Variants in UNC5B observed in about 807,000 individuals in gnomAD.
UNC5B encodes unc-5 netrin receptor B.
UNC5B carries 56 observed loss-of-function variants against 103.7 expected under a neutral mutation model. The observed-to-expected ratio is 0.54, with a 90% confidence interval of 0.44 to 0.67. The LOEUF is 0.67. UNC5B is among the 30% of genes least tolerant of loss of function. The pLI is 0.00. For synonymous variants in UNC5B, 577 were observed against 542.0 expected, an observed-to-expected ratio of 1.06 and a Z score of -0.90; for missense variants, 1,194 against 1,284.5, an observed-to-expected ratio of 0.93 and a Z score of 1.08.
In UNC5B at chr10:71,299,709, C is replaced by T. The variant is rs909551165; in HGVS notation, c.*432C>T. On this transcript the variant is annotated 3_prime_UTR_variant, in exon 17 of 17. Coordinates refer to ENST00000335350, the MANE Select transcript of UNC5B (RefSeq NM_170744.5). ...CTCCCTAAGCCCCCTTCTGCTTCCA[C>T]GCCCTTTTCCTCTTTGAAGAGTCAA... 1.8e-4 allele frequency: 30 copies of T among 167,902 alleles called. 1 individual carries two copies. The highest frequency in any genetic ancestry group is 6.2e-4 in the African/African-American group (26 of 42,072). 10.4% of individuals were successfully genotyped at this position (167,902 alleles called of 1,614,324 possible). A position where few individuals can be genotyped will look rare whatever the true frequency, so the allele number is the denominator to read the frequency against.
rs1238732312 is a variant in UNC5B at position 71,213,726 on chromosome 10, A to AGTGTGTGT, written c.79+663_79+664insTGTGTGTG. Among the ~76,000 whole-genome samples the AGTGTGTGT allele has an allele frequency of 6.5e-3, 534 of 81,820 alleles. 6 individuals carry two copies. Among genetic ancestry groups the AGTGTGTGT allele is most frequent in the African/African-American group, 0.026 (489 of 19,002 alleles). The allele number at this position is 81,820 out of a possible 152,430, so 53.7% of individuals were successfully genotyped here. ...TTATTATTAATTTTCTGAGTGTTGG[A>AGTGTGTGT]GAGTGTGTGTGTGTGTGTGTGTGTG... is the stretch of plus-strand genomic sequence containing the variant. On this transcript the variant is annotated intron_variant, in intron 1 of 16. Transcript: ENST00000335350. This position sits in a 1 kb window ranked among gnomAD's most constrained non-coding sequence, Gnocchi z 4.1.
intron 15 of UNC5B, among the ~76,000 whole-genome samples, chr10:71,297,464 G>A (rs1210496370): frequency 6.6e-6 from 1 of 152,218 alleles, no homozygotes; most frequent in Non-Finnish European, 1.5e-5. Context: ...GCCACCCAGG[G>A]TGACAACACT....
Position 71,302,245 on chromosome 10 carries a change from T to TTG in UNC5B, c.*2969_*2970insGT, listed in dbSNP as rs558600521. 0.012 allele frequency: 1,895 copies of TTG among 151,924 alleles called. 26 individuals are homozygous for TTG. Among genetic ancestry groups the TTG allele is most frequent in the Middle Eastern group, 0.024 (7 of 294 alleles). The allele number at this position is 151,924 out of a possible 1,614,324, so 9.4% of individuals were successfully genotyped here. A position where few individuals can be genotyped will look rare whatever the true frequency, so the allele number is the denominator to read the frequency against. Reference sequence around the variant, plus strand: ...GGTTGCAGGGCCCTTACGCAGGTATTTCTCTCTCTCTCCTCTCTGGGGTGC... The same window carrying TTG: ...GGTTGCAGGGCCCTTACGCAGGTATTTGTCTCTCTCTCTCCTCTCTGGGGTGC... On this transcript the variant is annotated 3_prime_UTR_variant, in exon 17 of 17. Coordinates refer to ENST00000335350, the MANE Select transcript of UNC5B (RefSeq NM_170744.5).
At chr10:71,241,960 G>A (rs1008717213) in intron 1 of UNC5B, among the ~76,000 whole-genome samples, 2 of 152,178 alleles carry the variant, frequency 1.3e-5, no homozygotes, top group Non-Finnish European at 2.9e-5. Context: ...ACCACAGAAG[G>A]AGGTGAGACT....
chr10:71,216,602 A>C (rs776347259), intron 1 of UNC5B, among the ~76,000 whole-genome samples: 12 of 152,168 alleles, frequency 7.9e-5, no homozygotes, highest in Non-Finnish European at 1.6e-4. Flanking sequence ...AGAGTTGGGG[A>C]CAGAATATGT....
chr10:71,265,063 A>T (rs1298876989), intron 1 of UNC5B, among the ~76,000 whole-genome samples: 1 of 152,128 alleles, frequency 6.6e-6, no homozygotes, highest in African/African-American at 2.4e-5. Flanking sequence ...TTAGACAAGT[A>T]ACTTAATCTC....
At chr10:71,280,594 G>C (rs886648859) in intron 2 of UNC5B, among the ~76,000 whole-genome samples, 1 of 152,140 alleles carries the variant, frequency 6.6e-6, no homozygotes, top group Non-Finnish European at 1.5e-5. Context: ...GGAAAGAGGA[G>C]AGCAGCTGAA....
intron 11 of UNC5B, among the ~76,000 whole-genome samples, chr10:71,292,865 C>T (rs1845301622): frequency 6.6e-6 from 1 of 152,206 alleles, no homozygotes; most frequent in African/African-American, 2.4e-5. Context: ...ACACGTGATT[C>T]ACACACACTG....
At chr10:71,295,593 G>A (rs1028520150) in intron 13 of UNC5B, among the ~76,000 whole-genome samples, 4 of 152,084 alleles carry the variant, frequency 2.6e-5, no homozygotes, top group African/African-American at 9.7e-5. Flanking sequence ...CTAGCCATAC[G>A]GTCATCTATA....
At chr10:71,273,720 C>A (rs1844700132) in intron 1 of UNC5B, among the ~76,000 whole-genome samples, 1 of 152,224 alleles carries the variant, frequency 6.6e-6, no homozygotes, top group Non-Finnish European at 1.5e-5. Context: ...CCTAGACGGG[C>A]GCCCTGTTGC....
intron 1 of UNC5B, among the ~76,000 whole-genome samples, chr10:71,275,948 CAGTA>C (rs1457180045): frequency 2.6e-5 from 4 of 152,104 alleles, no homozygotes; most frequent in Admixed American, 2.6e-4. Flanking sequence ...CCATGACAAA[CAGTA>C]AGAATAGTGG....
Position 71,291,083 on chromosome 10 carries a change from C to A in UNC5B, c.1268C>A (p.Pro423His). 1 of 1,614,010 alleles carries A rather than the reference C, an allele frequency of 6.2e-7. No individual in the cohort carries two copies. ...GCTGCCCTGACTGGTGGTTTCCACCCCGTCAACTTTAAGACGGCAAGGCCC... is the reference window on the plus strand; with the variant it reads ...GCTGCCCTGACTGGTGGTTTCCACCACGTCAACTTTAAGACGGCAAGGCCC... ...SSAALTGGFHPVNFKTARPSN... is the reference protein window; with the variant it reads ...SSAALTGGFHHVNFKTARPSN... Residue 423 changes from proline to histidine, a missense_variant, in exon 9 of 17, where the codon CCC becomes CAC. Coordinates refer to ENST00000335350, the MANE Select transcript of UNC5B (RefSeq NM_170744.5).
chr10:71,299,306 C>T lies in UNC5B; in HGVS notation c.*29C>T. 1 of 1,611,492 alleles carries T rather than the reference C, an allele frequency of 6.2e-7. No individual in the cohort carries two copies. Among genetic ancestry groups the T allele is most frequent in the Non-Finnish European group, 8.5e-7 (1 of 1,179,156 alleles). ...TCCTGGGACAGCGGGCTGGCAGGGA[C>T]TGGCAGGAGGCAGGTGCAGGGAGGC... On this transcript the variant is annotated 3_prime_UTR_variant, in exon 17 of 17. Transcript: ENST00000335350.
chr10:71,279,185 G>C (rs1465308942), intron 1 of UNC5B, among the ~76,000 whole-genome samples: 1 of 152,234 alleles, frequency 6.6e-6, no homozygotes, highest in South Asian at 2.1e-4. Context: ...GACCATGGGA[G>C]GTGAGCTCTG....
intron 1 of UNC5B, among the ~76,000 whole-genome samples, chr10:71,264,430 G>T (rs569634804): frequency 6.6e-6 from 1 of 152,272 alleles, no homozygotes; most frequent in East Asian, 1.9e-4. Context: ...CCAGAGAGGC[G>T]AATTTGCAGG....
chr10:71,260,898 G>A lies in UNC5B; in HGVS notation c.80-18923G>A, dbSNP rs117518775. On this transcript the variant is annotated intron_variant, in intron 1 of 16. Coordinates refer to ENST00000335350, the MANE Select transcript of UNC5B (RefSeq NM_170744.5). ...GCGGGCAGGCAGCTGGGAGCCCTGC[G>A]GAGAGGTTGCTGCTGTTGCGCTGGG... Among the ~76,000 whole-genome samples the A allele has an allele frequency of 1.1e-4, 17 of 152,348 alleles. No individual in the cohort carries two copies. In the East Asian group the frequency reaches 2.5e-3, roughly 22 times the overall value.
intron 1 of UNC5B, among the ~76,000 whole-genome samples, chr10:71,246,484 G>A (rs1157148814): frequency 2.0e-5 from 3 of 152,080 alleles, no homozygotes; most frequent in African/African-American, 4.8e-5. Flanking sequence ...TCTCTGCACA[G>A]GGACCAAGCT....
intron 1 of UNC5B, among the ~76,000 whole-genome samples, chr10:71,239,003 G>T (rs551121615): frequency 4.7e-4 from 72 of 152,200 alleles, no homozygotes; most frequent in Non-Finnish European, 9.0e-4. Flanking sequence ...CTTAGAAATG[G>T]AGGCCTGGTA....
intron 1 of UNC5B, among the ~76,000 whole-genome samples, chr10:71,222,876 C>T (rs1843479178): frequency 6.6e-6 from 1 of 152,218 alleles, no homozygotes. Context: ...CGTCCGCCTG[C>T]CTGGCTGGGG....
Sources: allele counts gnomAD v4.1 joint callset (sites outside exome capture counted in the v4.1 genomes callset), GRCh38; gene constraint gnomAD v4.1.1; non-coding constraint Gnocchi (gnomAD v3.1); transcripts MANE v1.5; gene names NCBI Gene and HGNC (gene_info 2026-07-23, HGNC 2026-07-21).